Variants in AMZ1 observed in about 807,000 individuals in gnomAD.
AMZ1 encodes the protein archaelysin family metallopeptidase 1, also known as archaemetzincin-1.
In AMZ1, 39 loss-of-function variants were observed where a neutral mutation model predicts 29.9. The ratio of observed to expected loss-of-function variants is 1.30; its 90% CI spans 1.01 to 1.70. The LOEUF (loss-of-function observed/expected upper bound fraction) is 1.70, where lower values mean the gene tolerates loss of function less well. AMZ1 is among the 40% of genes most tolerant of loss of function. The pLI is 0.00. For synonymous variants in AMZ1, 458 were observed against 304.0 expected (o/e 1.51, Z -5.27); for missense variants, 1,041 against 680.6 (o/e 1.53, Z -5.89).
chr7:2,739,650 G>T (rs1237650761), intron 4 of AMZ1, among the ~76,000 whole-genome samples: 2 of 152,226 alleles, frequency 1.3e-5, no homozygotes, highest in East Asian at 3.9e-4. Context: ...TATACACCTA[G>T]GAGTGAAACT....
rs769160245 is a variant in AMZ1 at position 2,731,565 on chromosome 7, G to A, written n.550+21749G>A. On this transcript the variant is annotated intron_variant and non_coding_transcript_variant, in intron 4 of 4. Coordinates refer to the AMZ1 transcript ENST00000489665. The surrounding 1 kb of genome is among the most constrained non-coding windows in gnomAD (Gnocchi z 6.0). The stretch of plus-strand genomic sequence containing the variant: ...CCATGAGGACCTGGTCGTACTCGCT[G>A]GAGGAGACCATGAACAGGATGGACG... 1 of 1,612,698 alleles carries A rather than the reference G, an allele frequency of 6.2e-7. No individual in the cohort carries two copies.
intron 4 of AMZ1, among the ~76,000 whole-genome samples, chr7:2,739,278 G>A (rs1038507299): frequency 6.6e-6 from 1 of 152,134 alleles, no homozygotes; most frequent in Non-Finnish European, 1.5e-5. Flanking sequence ...CCTATCAGCC[G>A]CCACTCCCAC....
At chr7:2,694,807 G>A (rs1254179414) in intron 1 of AMZ1, among the ~76,000 whole-genome samples, 3 of 151,846 alleles carry the variant, frequency 2.0e-5, no homozygotes, top group African/African-American at 4.8e-5. Flanking sequence ...CGAGTAGCTG[G>A]GATTACAGGC....
At chr7:2,750,044 AG>A (rs1790953859) in intron 4 of AMZ1, among the ~76,000 whole-genome samples, 1 of 152,244 alleles carries the variant, frequency 6.6e-6, no homozygotes, top group Admixed American at 6.5e-5. Flanking sequence ...GATTTCAAGA[AG>A]CTCCACAAAT....
chr7:2,706,929 G>A (rs114275692), intron 3 of AMZ1, among the ~76,000 whole-genome samples: 1,627 of 151,990 alleles, frequency 0.011, 38 homozygotes, highest in African/African-American at 0.037. Context: ...AGACTGCAGC[G>A]TGAGCTGTGA....
chr7:2,720,162 G>A (rs1430776175), downstream of AMZ1, among the ~76,000 whole-genome samples: 2 of 152,220 alleles, frequency 1.3e-5, no homozygotes, highest in Admixed American at 1.3e-4. Context: ...TGCAAAGCGC[G>A]GCTCCCCTCT....
intron 1 of AMZ1, among the ~76,000 whole-genome samples, chr7:2,691,987 G>C (rs1434665719): frequency 1.3e-5 from 2 of 152,234 alleles, no homozygotes; most frequent in Non-Finnish European, 2.9e-5. Context: ...GAATGATTTG[G>C]AGGTAACTGG....
rs569947854 is a variant in AMZ1, at chr7:2,749,191, G to T, written n.551-15521G>T. Among the ~76,000 whole-genome samples, 1,409 of 152,248 alleles carry T rather than the reference G, an allele frequency of 9.3e-3. 14 individuals are homozygous for T. The highest frequency in any genetic ancestry group is 0.032 in the African/African-American group (1,327 of 41,526). On this transcript the variant is annotated intron_variant and non_coding_transcript_variant, in intron 4 of 4. Coordinates refer to the AMZ1 transcript ENST00000489665. ...TACCCAAAGGATTATAAATCATGCT[G>T]CTATAAAGACACATGCACACGTGTG...
chr7:2,726,173 A>C (rs1789608057), intron 4 of AMZ1, among the ~76,000 whole-genome samples: 1 of 152,250 alleles, frequency 6.6e-6, no homozygotes, highest in Non-Finnish European at 1.5e-5. Flanking sequence ...GAAAGGCTGC[A>C]TGTGCGTGAG....
intron 4 of AMZ1, among the ~76,000 whole-genome samples, chr7:2,737,557 G>A (rs1057448789): frequency 1.3e-5 from 2 of 152,146 alleles, no homozygotes; most frequent in African/African-American, 4.8e-5. Flanking sequence ...CCAGAGTGCT[G>A]GGATTACAGG....
intron 4 of AMZ1, among the ~76,000 whole-genome samples, chr7:2,759,276 T>C (rs1213998322): frequency 2.6e-5 from 4 of 152,170 alleles, no homozygotes; most frequent in Admixed American, 6.5e-5. Flanking sequence ...CTTATTTACA[T>C]GAAGTTAAAA....
At position 2,680,384 on chromosome 7, in the gene AMZ1, A is replaced by G. The variant is rs370146556; in HGVS notation, c.-219+713A>G. 3.5e-4 allele frequency among the ~76,000 whole-genome samples: 53 copies of G among 152,194 alleles called. No individual in the cohort carries two copies. In the South Asian group the frequency reaches 3.5e-3, roughly 10 times the overall value. ...CAGGTGTGCAGCCCACCCAGCAGGC[A>G]CTGGAGACCCCGGGAGACCCCGGAT... On this transcript the variant is annotated intron_variant, in intron 1 of 6. Transcript: ENST00000312371.
intron 4 of AMZ1, among the ~76,000 whole-genome samples, chr7:2,735,198 G>C (rs1402172372): frequency 2.0e-5 from 3 of 152,182 alleles, no homozygotes; most frequent in Non-Finnish European, 4.4e-5. Context: ...GGCCTCGGGA[G>C]GTGCCACGCA....
chr7:2,689,571 G>T (rs1787265284), intron 1 of AMZ1, among the ~76,000 whole-genome samples: 1 of 152,234 alleles, frequency 6.6e-6, no homozygotes, highest in Non-Finnish European at 1.5e-5. Flanking sequence ...CCAGTGTGAA[G>T]CGTGGCTTTG....
chr7:2,689,759 C>G (rs1787277661), intron 1 of AMZ1, among the ~76,000 whole-genome samples: 1 of 152,236 alleles, frequency 6.6e-6, no homozygotes, highest in South Asian at 2.1e-4. Flanking sequence ...AGGAGGGGGA[C>G]ACACTGTGAC....
chr7:2,755,742 T>A (rs987111776), intron 4 of AMZ1, among the ~76,000 whole-genome samples: 2 of 152,264 alleles, frequency 1.3e-5, no homozygotes, highest in Non-Finnish European at 2.9e-5. Context: ...CTTGCCTTAC[T>A]GCATTGGCTA....
chr7:2,723,739 C>T (rs1789512228), downstream of AMZ1, among the ~76,000 whole-genome samples: 1 of 151,990 alleles, frequency 6.6e-6, no homozygotes, highest in Non-Finnish European at 1.5e-5. Flanking sequence ...TCAGGCACCG[C>T]GGCTGTCCCC....
chr7:2,696,319 C>G (rs183638708), intron 1 of AMZ1, among the ~76,000 whole-genome samples: 67 of 143,340 alleles, frequency 4.7e-4, no homozygotes, highest in African/African-American at 1.5e-3. Flanking sequence ...TGCAGTGGTG[C>G]GATCTTGGCT....
intron 3 of AMZ1, among the ~76,000 whole-genome samples, chr7:2,707,818 CTTTTTTTTTTTT>C (rs60848680): frequency 1.0e-5 from 1 of 95,340 alleles, no homozygotes; most frequent in African/African-American, 4.5e-5. Flanking sequence ...CTAACGAGGG[CTTTTTTTTTTTT>C]TTTTTTTTTT....
Sources: allele counts gnomAD v4.1 joint callset (sites outside exome capture counted in the v4.1 genomes callset), GRCh38; gene constraint gnomAD v4.1.1; non-coding constraint Gnocchi (gnomAD v3.1); transcripts MANE v1.5; gene names NCBI Gene and HGNC (gene_info 2026-07-23, HGNC 2026-07-21).